Variants in ECM2 observed in about 807,000 individuals in gnomAD.
The protein encoded by ECM2 is extracellular matrix protein 2, also known as extracellular matrix protein 2, female organ and adipocyte specific.
A neutral mutation model predicts 67.5 loss-of-function variants in ECM2; 57 were observed. The ratio of observed to expected loss-of-function variants is 0.84; its 90% confidence interval spans 0.68 to 1.05. ECM2 has a LOEUF of 1.05. Ranked by LOEUF, ECM2 falls within the 50% of genes least tolerant of loss-of-function variation. The pLI is 0.00. For missense variants in ECM2, 741 were observed against 822.8 expected (o/e 0.90, Z 1.22); for synonymous variants, 258 against 294.5 (o/e 0.88, Z 1.27).
intron 9 of ECM2, among the ~76,000 whole-genome samples, chr9:92,500,371 C>T (rs916524636): frequency 5.9e-5 from 9 of 152,132 alleles, no homozygotes; most frequent in South Asian, 2.1e-4. Flanking sequence ...TTAGTAGAAA[C>T]GAGGTTTCAC....
the ECM2 span, among the ~76,000 whole-genome samples, chr9:92,555,214 ATTTTTTTTTTTT>A: frequency 1.7e-4 from 11 of 63,466 alleles, no homozygotes; most frequent in East Asian, 6.1e-4. Flanking sequence ...TTTTTTGGAA[ATTTTTTTTTTTT>A]TTTTTTTTTT....
At chr9:92,510,772 G>A (rs994211633) in intron 5 of ECM2, among the ~76,000 whole-genome samples, 10 of 152,220 alleles carry the variant, frequency 6.6e-5, no homozygotes, top group Non-Finnish European at 1.3e-4. Context: ...GCAAGAAAAG[G>A]AGGTAATCTC....
intron 1 of ECM2, among the ~76,000 whole-genome samples, chr9:92,532,029 A>ATTTTT (rs201461115): frequency 2.2e-5 from 2 of 91,048 alleles, no homozygotes; most frequent in Non-Finnish European, 2.1e-5. Context: ...TTTTTTTTTT[A>ATTTTT]TTTTATTTTT....
chr9:92,522,571 T>G lies in ECM2; in HGVS notation c.292+4A>C. The G allele has an allele frequency of 6.2e-7, 1 of 1,603,034 alleles. No individual in the cohort carries two copies. The highest frequency in any genetic ancestry group is 2.2e-5 in the East Asian group (1 of 44,722). ...TCTGTCTCTCTCTCATAGTGTTCTC[T>G]TACCTGGTAACACATTATAACTTGA... On this transcript the variant is annotated splice_donor_region_variant and intron_variant, in intron 2 of 9. Transcript: ENST00000344604.
At chr9:92,502,696 T>A in intron 7 of ECM2, 44 bp from the exon 8 acceptor site, 2 of 1,449,806 alleles carry the variant, frequency 1.4e-6, no homozygotes, top group Non-Finnish European at 1.9e-6. Context: ...TTGTGTTAGT[T>A]GATACGTTCA....
intron 1 of ECM2, among the ~76,000 whole-genome samples, chr9:92,533,183 C>G (rs995117791): frequency 2.0e-5 from 3 of 149,254 alleles, no homozygotes; most frequent in African/African-American, 7.4e-5. Flanking sequence ...GCGTGTAGTC[C>G]CAGATACTCA....
At chr9:92,518,778 A>G (rs780495824) in intron 2 of ECM2, among the ~76,000 whole-genome samples, 6 of 152,168 alleles carry the variant, frequency 3.9e-5, no homozygotes, top group Non-Finnish European at 7.3e-5. Context: ...AGTCCCAGCT[A>G]CTCAGAAAGC....
At chr9:92,511,505 C>T (rs1212596778) in intron 5 of ECM2, among the ~76,000 whole-genome samples, 1 of 151,678 alleles carries the variant, frequency 6.6e-6, no homozygotes, top group Non-Finnish European at 1.5e-5. Flanking sequence ...CCTGTTCTCT[C>T]TCTTTCCCTC....
upstream of ECM2, among the ~76,000 whole-genome samples, chr9:92,539,804 G>T (rs1398893451): frequency 6.6e-6 from 1 of 152,126 alleles, no homozygotes; most frequent in Non-Finnish European, 1.5e-5. Context: ...ACATTTAAGT[G>T]GAGTAATGAT....
At chr9:92,500,258 C>G (rs1255378541) in intron 9 of ECM2, among the ~76,000 whole-genome samples, 1 of 152,154 alleles carries the variant, frequency 6.6e-6, no homozygotes, top group Non-Finnish European at 1.5e-5. Context: ...TCCCGGCTCA[C>G]TGCAACCTCT....
At chr9:92,529,936 A>G (rs1297698571) in intron 1 of ECM2, among the ~76,000 whole-genome samples, 1 of 152,216 alleles carries the variant, frequency 6.6e-6, no homozygotes, top group Non-Finnish European at 1.5e-5. Context: ...AGTTTGGCCT[A>G]TGTAGCTTTT....
downstream of ECM2, among the ~76,000 whole-genome samples, chr9:92,495,138 A>G (rs915660796): frequency 1.3e-5 from 2 of 152,178 alleles, no homozygotes; most frequent in African/African-American, 4.8e-5. Context: ...GAGTGGTGAA[A>G]GAACTATTAA....
chr9:92,533,320 A>ATAT (rs1563991340), intron 1 of ECM2, among the ~76,000 whole-genome samples: 4 of 92,470 alleles, frequency 4.3e-5, no homozygotes, highest in East Asian at 5.5e-4. Flanking sequence ...AAAAAAAAAA[A>ATAT]AAAAAAAAAT....
chr9:92,506,160 G>A (rs1846997417), intron 6 of ECM2, among the ~76,000 whole-genome samples: 1 of 152,178 alleles, frequency 6.6e-6, no homozygotes, highest in Non-Finnish European at 1.5e-5. Context: ...GAAGTTTAAT[G>A]CAATGAATGA....
At position 92,515,055 on chromosome 9, in the gene ECM2, T is replaced by C. The variant is rs1215879948; in HGVS notation, c.630A>G (p.Ala210=). The C allele has an allele frequency of 6.2e-7, 1 of 1,614,046 alleles. No individual in the cohort carries two copies. The highest frequency in any genetic ancestry group is 8.5e-7 in the Non-Finnish European group (1 of 1,180,044). ...CTTCTTCATCCTCCTCAGATTGAAG[T>C]GCTTCTTTTCTTACTATTCGGTCCA... ...VGMDRIVRKE[A]LQSEEDEEVK... is the part of the protein sequence containing the mutation. The change falls in exon 4 of 10, where the codon GCA becomes GCG. Residue 210 remains alanine, a synonymous_variant. Coordinates refer to ENST00000344604, the MANE Select transcript of ECM2 (RefSeq NM_001393.4).
chr9:92,504,530 A>G (rs3780347), intron 7 of ECM2, among the ~76,000 whole-genome samples: 61,760 of 151,872 alleles, frequency 0.41, 14,708 homozygotes, highest in African/African-American at 0.66. Flanking sequence ...TCTTTTTGGC[A>G]GGCAGGGTGG....
At chr9:92,545,630 G>C in the ECM2 span, among the ~76,000 whole-genome samples, 2 of 152,212 alleles carry the variant, frequency 1.3e-5, no homozygotes, top group African/African-American at 2.4e-5. Flanking sequence ...TGAGGAGTGC[G>C]GGCACAGGGC....
At chr9:92,552,925 T>C in the ECM2 span, among the ~76,000 whole-genome samples, 1 of 151,892 alleles carries the variant, frequency 6.6e-6, no homozygotes, top group Non-Finnish European at 1.5e-5. Context: ...CCAATGTCTA[T>C]TTATTTATTT....
intron 4 of ECM2, among the ~76,000 whole-genome samples, chr9:92,514,274 C>CTTTTTTTTTTTTT (rs1044226766): frequency 1.5e-5 from 2 of 130,748 alleles, no homozygotes; most frequent in African/African-American, 5.6e-5. Context: ...GAGTCATTTA[C>CTTTTTTTTTTTTT]TTTTTTTTTT....
Sources: allele counts gnomAD v4.1 joint callset (sites outside exome capture counted in the v4.1 genomes callset), GRCh38; gene constraint gnomAD v4.1.1; transcripts MANE v1.5; gene names NCBI Gene and HGNC (gene_info 2026-07-23, HGNC 2026-07-21).